Variants in CTNND2 observed in about 807,000 individuals in gnomAD.
CTNND2 encodes the protein catenin delta 2.
Under a neutral mutation model 144.4 loss-of-function variants are expected in CTNND2, and 22 were observed. The ratio of observed to expected loss-of-function variants is 0.15; its 90% CI spans 0.11 to 0.22. The LOEUF (loss-of-function observed/expected upper bound fraction) is 0.22, where lower values mean the gene tolerates loss of function less well. Ranked by LOEUF, CTNND2 falls within the 10% of genes least tolerant of loss-of-function variation. The probability of loss-of-function intolerance (pLI) is 1.00; values close to 1 mark genes in which losing one functional copy is unlikely to be tolerated. For synonymous variants in CTNND2, 751 were observed against 695.6 expected (o/e 1.08, Z -1.25); for missense variants, 1,353 against 1,618.8 (o/e 0.84, Z 2.82).
intron 2 of CTNND2, chr5:11,589,104 C>G: frequency 1.1e-6 from 1 of 898,794 alleles, no homozygotes; most frequent in South Asian, 5.1e-5. Flanking sequence ...AGAGTTCAGC[C>G]AGGCACAAAG....
At chr5:11,300,652 T>C (rs1749493536) in intron 9 of CTNND2, among the ~76,000 whole-genome samples, 1 of 152,114 alleles carries the variant, frequency 6.6e-6, no homozygotes, top group East Asian at 1.9e-4. Flanking sequence ...TGAAAGTATG[T>C]TCCAGGCAAT....
chr5:11,902,617 T>C (rs946235638), intron 1 of CTNND2, among the ~76,000 whole-genome samples: 3 of 152,162 alleles, frequency 2.0e-5, no homozygotes, highest in African/African-American at 7.2e-5. Context: ...ATTGGTCACA[T>C]AGTTCTTAAA....
chr5:11,776,311 G>A lies in CTNND2; in HGVS notation c.38-44039C>T, dbSNP rs1308992216. Among the ~76,000 whole-genome samples the A allele has an allele frequency of 2.0e-5, 3 of 152,128 alleles. No homozygotes were observed. The East Asian group carries it at 5.8e-4, about 29-fold the overall frequency. Reference sequence around the variant, plus strand: ...TCAGCCAGTGAGTGAGACAAAGGACGCTGAAGACAAGGAGTTAAAATAGCC... The same window carrying A: ...TCAGCCAGTGAGTGAGACAAAGGACACTGAAGACAAGGAGTTAAAATAGCC... On this transcript the variant is annotated intron_variant, in intron 1 of 21. Coordinates refer to ENST00000304623, the MANE Select transcript of CTNND2 (RefSeq NM_001332.4).
chr5:11,894,187 ACG>A, intron 1 of CTNND2, among the ~76,000 whole-genome samples: 1 of 151,380 alleles, frequency 6.6e-6, no homozygotes, highest in East Asian at 2.0e-4. Context: ...CAGGTGCCAG[ACG>A]CGGCAGCCCA....
intron 7 of CTNND2, among the ~76,000 whole-genome samples, chr5:11,379,918 A>G (rs1013855363): frequency 3.2e-4 from 49 of 151,334 alleles, no homozygotes; most frequent in African/African-American, 1.2e-3. Flanking sequence ...CACCCCTACC[A>G]CTCTGTCTTT....
At chr5:11,594,432 G>C (rs1281361121) in intron 2 of CTNND2, among the ~76,000 whole-genome samples, 1 of 152,054 alleles carries the variant, frequency 6.6e-6, no homozygotes, top group Non-Finnish European at 1.5e-5. Flanking sequence ...TAACAGGCAT[G>C]CATGTATGAA....
rs762644930 is a variant in CTNND2 at position 11,117,437 on chromosome 5, C to T, written c.2277+13G>A. 1.2e-6 allele frequency: 2 copies of T among 1,604,078 alleles called. No individual in the cohort carries two copies. Among genetic ancestry groups the T allele is most frequent in the East Asian group, 2.2e-5 (1 of 44,796 alleles). ...ATTCTCAAACATGTTTAATCTATGC[C>T]AGCACAACCAACCTTGCTATCGATC... On this transcript the variant is annotated intron_variant, in intron 13 of 21. Coordinates refer to ENST00000304623, the MANE Select transcript of CTNND2 (RefSeq NM_001332.4).
intron 1 of CTNND2, among the ~76,000 whole-genome samples, chr5:11,738,393 A>G (rs1460622000): frequency 6.6e-6 from 1 of 152,220 alleles, no homozygotes; most frequent in East Asian, 1.9e-4. Context: ...TCTTATAACC[A>G]TAGGTAATAA....
intron 16 of CTNND2, among the ~76,000 whole-genome samples, chr5:11,039,190 A>G (rs1744407497): frequency 6.6e-6 from 1 of 152,204 alleles, no homozygotes. Flanking sequence ...TCCCCAATCA[A>G]CATCATCTCT....
At chr5:11,763,948 G>C (rs1789429916) in intron 1 of CTNND2, among the ~76,000 whole-genome samples, 1 of 151,870 alleles carries the variant, frequency 6.6e-6, no homozygotes, top group South Asian at 2.1e-4. Context: ...TCCAATCCTT[G>C]GAACTTGTGA....
chr5:11,874,331 A>G (rs1735389366), intron 1 of CTNND2, among the ~76,000 whole-genome samples: 1 of 152,212 alleles, frequency 6.6e-6, no homozygotes, highest in Non-Finnish European at 1.5e-5. Context: ...AAAACCGCAG[A>G]AAGTACCAAA....
At chr5:11,427,107 A>T (rs1053504588) in intron 3 of CTNND2, among the ~76,000 whole-genome samples, 1 of 152,206 alleles carries the variant, frequency 6.6e-6, no homozygotes, top group African/African-American at 2.4e-5. Flanking sequence ...TACACAGATA[A>T]ATAGTAAAAT....
At chr5:11,529,074 G>A (rs1773516958) in intron 3 of CTNND2, among the ~76,000 whole-genome samples, 1 of 152,192 alleles carries the variant, frequency 6.6e-6, no homozygotes, top group Non-Finnish European at 1.5e-5. Context: ...AAATAGCAAT[G>A]CGGAAAACAG....
intron 5 of CTNND2, 99 bp from the exon 6 acceptor site, chr5:11,397,302 A>C: frequency 1.0e-6 from 1 of 957,858 alleles, no homozygotes; most frequent in Non-Finnish European, 1.5e-6. Context: ...TCTCATGCAC[A>C]TGATTCCAGC....
intron 6 of CTNND2, among the ~76,000 whole-genome samples, 165 bp from the exon 7 acceptor site, chr5:11,385,394 G>A (rs370292522): frequency 2.0e-5 from 3 of 152,170 alleles, no homozygotes; most frequent in African/African-American, 7.2e-5. Context: ...CCTGCGCCCC[G>A]AACTCTCCTG....
At chr5:11,071,035 C>G (rs572899961) in intron 16 of CTNND2, among the ~76,000 whole-genome samples, 1 of 149,450 alleles carries the variant, frequency 6.7e-6, no homozygotes, top group Non-Finnish European at 1.5e-5. Context: ...ACAGCAGTGA[C>G]GTAAAGTGGA....
At chr5:11,635,645 C>T (rs1781646098) in intron 2 of CTNND2, among the ~76,000 whole-genome samples, 1 of 152,210 alleles carries the variant, frequency 6.6e-6, no homozygotes, top group African/African-American at 2.4e-5. Flanking sequence ...AACATTCTAA[C>T]ATTGTTTCCT....
At chr5:11,498,981 A>G (rs1770264830) in intron 3 of CTNND2, among the ~76,000 whole-genome samples, 1 of 152,202 alleles carries the variant, frequency 6.6e-6, no homozygotes, top group Non-Finnish European at 1.5e-5. Context: ...TGAACACATT[A>G]AAATGCAGAC....
Position 11,604,898 on chromosome 5 carries a change from G to A in CTNND2, c.175-39842C>T, listed in dbSNP as rs1779973300. On this transcript the variant is annotated intron_variant, in intron 2 of 21. Coordinates refer to ENST00000304623, the MANE Select transcript of CTNND2 (RefSeq NM_001332.4). ...TGTGCATTTGACCAGTTACATTTGT[G>A]CAATTTATTTATCTGTGCTTTAAGA... Among the ~76,000 whole-genome samples, 3 of 152,290 alleles carry A rather than the reference G, an allele frequency of 2.0e-5. No individual in the cohort carries two copies. The South Asian group carries it at 6.2e-4, about 32-fold the overall frequency.
Sources: allele counts gnomAD v4.1 joint callset (sites outside exome capture counted in the v4.1 genomes callset), GRCh38; gene constraint gnomAD v4.1.1; transcripts MANE v1.5; gene names NCBI Gene and HGNC (gene_info 2026-07-23, HGNC 2026-07-21).